Variants in CACNA1E observed in about 807,000 individuals in gnomAD.
The protein encoded by CACNA1E is voltage-dependent R-type calcium channel subunit alpha-1E.
In CACNA1E, 40 loss-of-function variants were observed where a neutral mutation model predicts 259.2. The ratio of observed to expected loss-of-function variants is 0.15; its 90% CI spans 0.12 to 0.20. CACNA1E has a LOEUF of 0.20. Among genes scored for constraint, CACNA1E ranks in the 10% least tolerant of loss-of-function variants. CACNA1E has a pLI of 1.00. For missense variants in CACNA1E, 1,874 were observed against 3,040.1 expected, an observed-to-expected ratio of 0.62 and a Z score of 9.02; for synonymous variants, 1,104 against 1,138.5, an observed-to-expected ratio of 0.97 and a Z score of 0.61.
At chr1:181,373,056 T>C (rs1421836526) in intron 1 of CACNA1E, among the ~76,000 whole-genome samples, 1 of 152,148 alleles carries the variant, frequency 6.6e-6, no homozygotes, top group Non-Finnish European at 1.5e-5. Context: ...TTGTTGAGGA[T>C]TTTTGTGCCT....
Position 181,400,916 on chromosome 1 carries a change from G to A in CACNA1E, c.-14-12217G>A, listed in dbSNP as rs937976906. ...CTCTTCCCCTGCTCTCCCACGGTCT[G>A]TCCTCACCAGCAGCTACACAGGAGT... On this transcript the variant is annotated intron_variant, in intron 1 of 11. Coordinates refer to the CACNA1E transcript ENST00000524607. 2.0e-5 allele frequency among the ~76,000 whole-genome samples: 3 copies of A among 152,266 alleles called. No homozygotes were observed. The South Asian group carries it at 6.2e-4, about 32-fold the overall frequency.
intron 7 of CACNA1E, among the ~76,000 whole-genome samples, chr1:181,660,810 A>G (rs1647587447): frequency 6.6e-6 from 1 of 152,206 alleles, no homozygotes; most frequent in Non-Finnish European, 1.5e-5. Context: ...ACTGGCTAAC[A>G]TAAGGGAGAG....
chr1:181,511,391 C>T lies in CACNA1E; in HGVS notation c.393C>T (p.Phe131=), dbSNP rs1261184698. Residue 131 remains phenylalanine (F), a synonymous_variant, in exon 3 of 48, where the codon TTC becomes TTT. Transcript: ENST00000367573. ...CACAGGAGAAGACAGAACCTTATTT[C>T]ATTGGGATCTTTTGCTTTGAAGCTG... The part of the protein sequence containing the change: ...SRRLEKTEPY[F]IGIFCFEAGI... 6.2e-7 allele frequency: 1 copy of T among 1,614,036 alleles called. No individual in the cohort carries two copies. The highest frequency in any genetic ancestry group is 1.1e-5 in the South Asian group (1 of 91,088).
At chr1:181,792,777 G>A (rs956575688) in intron 44 of CACNA1E, among the ~76,000 whole-genome samples, 21 of 152,150 alleles carry the variant, frequency 1.4e-4, no homozygotes, top group Admixed American at 1.2e-3. Flanking sequence ...GGTAGCCCAC[G>A]TAAACATCTC....
At chr1:181,712,395 A>G (rs1335695559) in intron 8 of CACNA1E, among the ~76,000 whole-genome samples, 2 of 152,180 alleles carry the variant, frequency 1.3e-5, no homozygotes, top group East Asian at 3.8e-4. Flanking sequence ...GTCACAGAGG[A>G]AAAATTTGGA....
At chr1:181,409,233 C>T (rs1226064127) in intron 1 of CACNA1E, among the ~76,000 whole-genome samples, 2 of 152,184 alleles carry the variant, frequency 1.3e-5, no homozygotes, top group African/African-American at 4.8e-5. Flanking sequence ...TCCTTTGCAA[C>T]AGAGATTATA....
At chr1:181,763,599 A>G (rs1354154068) in intron 34 of CACNA1E, 68 bp downstream of exon 34, 5 of 1,281,988 alleles carry the variant, frequency 3.9e-6, no homozygotes, top group Admixed American at 5.0e-5. Context: ...CAACACTGGC[A>G]TCATTACCCA....
At chr1:181,463,548 C>A (rs1417360922) in intron 2 of CACNA1E, among the ~76,000 whole-genome samples, 1 of 152,128 alleles carries the variant, frequency 6.6e-6, no homozygotes, top group African/African-American at 2.4e-5. Context: ...GCATTAATTG[C>A]ACTTTCCCTG....
At chr1:181,442,421 G>C (rs1306684633) in intron 2 of CACNA1E, among the ~76,000 whole-genome samples, 1 of 150,986 alleles carries the variant, frequency 6.6e-6, no homozygotes, top group Non-Finnish European at 1.5e-5. Flanking sequence ...AAGGGTACAG[G>C]TATAAGGGGC....
At chr1:181,744,432 G>T (rs1352974562) in intron 25 of CACNA1E, among the ~76,000 whole-genome samples, 3 of 152,188 alleles carry the variant, frequency 2.0e-5, no homozygotes, top group Admixed American at 2.0e-4. Flanking sequence ...TGGTCCTCTG[G>T]TTCCGGATTT....
At chr1:181,514,103 T>C (rs1034646440) in intron 3 of CACNA1E, among the ~76,000 whole-genome samples, 2 of 152,166 alleles carry the variant, frequency 1.3e-5, no homozygotes, top group African/African-American at 4.8e-5. Context: ...AGGGTTGCGG[T>C]TCTATCCCAC....
chr1:181,372,828 A>ATATATATATAT (rs1491221060), intron 1 of CACNA1E, among the ~76,000 whole-genome samples: 2 of 101,642 alleles, frequency 2.0e-5, no homozygotes, highest in Non-Finnish European at 4.6e-5. Flanking sequence ...ATATATATAT[A>ATATATATATAT]TTTTTTTTTT....
intron 6 of CACNA1E, among the ~76,000 whole-genome samples, chr1:181,628,392 G>C (rs1041740519): frequency 6.6e-6 from 1 of 152,140 alleles, no homozygotes. Flanking sequence ...TCTCCCAGGA[G>C]CTCATTGCCA....
intron 1 of CACNA1E, among the ~76,000 whole-genome samples, chr1:181,400,505 G>A (rs1217539535): frequency 2.0e-5 from 3 of 152,084 alleles, no homozygotes; most frequent in African/African-American, 7.2e-5. Context: ...CACCACATCA[G>A]CTGCTGAAGC....
rs559265111 is a variant in CACNA1E, at chr1:181,716,009, C to T, written c.1226-31C>T. 6.9e-5 allele frequency: 103 copies of T among 1,490,002 alleles called. 2 individuals carry two copies. The Middle Eastern group carries it at 2.0e-3, about 30-fold the overall frequency. 92.3% of individuals were successfully genotyped at this position (1,490,002 alleles called of 1,614,324 possible). On this transcript the variant is annotated intron_variant, in intron 9 of 47. Coordinates refer to ENST00000367573, the MANE Select transcript of CACNA1E (RefSeq NM_001205293.3). The stretch of plus-strand genomic sequence containing the variant: ...AGAATGGTCTGGGTGTACTTGTGGC[C>T]TCTCACTGGTCTTCCCTTTCCCTGA...
chr1:181,796,797 C>T lies in CACNA1E; in HGVS notation c.6338C>T (p.Ser2113Phe). Reference protein sequence around the residue: ...EERGTQADWESPERRQSRSPS... With the variant: ...EERGTQADWEFPERRQSRSPS... Reference sequence around the variant, plus strand: ...CGAGGGACCCAGGCTGACTGGGAGTCCCCAGAGCGCCGTCAATCCAGGTCA... The same window carrying T: ...CGAGGGACCCAGGCTGACTGGGAGTTCCCAGAGCGCCGTCAATCCAGGTCA... The change falls in exon 47 of 48, where the codon TCC becomes TTC. Residue 2113 changes from serine (S) to phenylalanine (F), a missense_variant. Ser to Phe is a radical substitution (Grantham distance 155). Around this residue, in one of 14 missense-constraint regions of CACNA1E, gnomAD observed 542 missense variants for 587.2 expected, o/e 0.92. Coordinates refer to ENST00000367573, the MANE Select transcript of CACNA1E (RefSeq NM_001205293.3). 1 of 1,610,730 alleles carries T rather than the reference C, an allele frequency of 6.2e-7. No individual in the cohort carries two copies. Among genetic ancestry groups the T allele is most frequent in the Non-Finnish European group, 8.5e-7 (1 of 1,178,486 alleles).
chr1:181,719,959 G>A, intron 13 of CACNA1E, 96 bp downstream of exon 13: 2 of 815,652 alleles, frequency 2.5e-6, no homozygotes, highest in Non-Finnish European at 3.9e-6. Context: ...CCCCCTTAGG[G>A]GGAAAGTATC....
chr1:181,382,137 C>A (rs1439137327), intron 1 of CACNA1E, among the ~76,000 whole-genome samples: 1 of 152,128 alleles, frequency 6.6e-6, no homozygotes, highest in Non-Finnish European at 1.5e-5. Context: ...AAATGGTGCC[C>A]TTTGAGCTGA....
chr1:181,768,026 C>T (rs935112303), intron 35 of CACNA1E, among the ~76,000 whole-genome samples: 1 of 152,194 alleles, frequency 6.6e-6, no homozygotes, highest in African/African-American at 2.4e-5. Context: ...ATGATCAAAT[C>T]AGGGTAATTG....
Sources: gnomAD v4.1 joint callset for allele counts (sites outside exome capture counted in the v4.1 genomes callset) on GRCh38, gnomAD v4.1.1 for gene constraint, gnomAD v4.1.1 regional missense constraint, MANE v1.5 for transcripts, NCBI Gene and HGNC (gene_info 2026-07-23, HGNC 2026-07-21) for gene names.